The following CPAMD8 variants were observed in gnomAD, a reference collection of about 807,000 sequenced individuals.
The protein encoded by CPAMD8 is C3 and PZP-like alpha-2-macroglobulin domain-containing protein 8.
In CPAMD8, 146 loss-of-function variants were observed where a neutral mutation model predicts 224.7. The observed-to-expected ratio is 0.65, with a 90% CI of 0.57 to 0.75. The LOEUF is 0.75. CPAMD8 is among the 30% of genes least tolerant of loss of function. The pLI is 0.00. For missense variants in CPAMD8, 2,301 were observed against 2,537.5 expected (o/e 0.91, Z 2.00); for synonymous variants, 966 against 1,044.6 (o/e 0.92, Z 1.45).
rs527573018 is a variant in CPAMD8 at position 16,938,306 on chromosome 19, C to G, written c.2845+89G>C. The G allele has an allele frequency of 5.5e-5, 35 of 641,052 alleles. No homozygotes were observed. The African/African-American group carries it at 6.2e-4, about 11-fold the overall frequency. The allele number at this position is 641,052 out of a possible 1,614,324, so 39.7% of individuals were successfully genotyped here. On this transcript the variant is annotated intron_variant, in intron 23 of 41. Transcript: ENST00000443236. Reference sequence around the variant, plus strand: ...GGCAGGTGCTCACTTTGCAGCGGGACAGCCCCCACAGTGTGGGAAAGGGGG... The same window carrying G: ...GGCAGGTGCTCACTTTGCAGCGGGAGAGCCCCCACAGTGTGGGAAAGGGGG...
intron 11 of CPAMD8, among the ~76,000 whole-genome samples, chr19:16,995,219 C>T (rs1243506450): frequency 4.6e-5 from 7 of 152,142 alleles, no homozygotes; most frequent in Admixed American, 4.6e-4. Context: ...AGGGTCAGAA[C>T]TCAGTGTTAG....
chr19:16,900,389 G>A (rs757896467), intron 36 of CPAMD8, among the ~76,000 whole-genome samples: 11 of 152,116 alleles, frequency 7.2e-5, no homozygotes, highest in Non-Finnish European at 1.5e-4. Context: ...CCCGAGGTCA[G>A]GAGTTTGAGA....
At chr19:16,996,798 G>A (rs1461921864) in intron 11 of CPAMD8, among the ~76,000 whole-genome samples, 8 of 144,706 alleles carry the variant, frequency 5.5e-5, no homozygotes, top group South Asian at 2.2e-4. Flanking sequence ...CAGCCTGGGC[G>A]ATGGAGTGTG....
At chr19:16,927,875 C>G in intron 25 of CPAMD8, 134 bp downstream of exon 25, 1 of 677,090 alleles carries the variant, frequency 1.5e-6, no homozygotes, top group African/African-American at 1.8e-5. Context: ...AGCTGCTTGT[C>G]AGGTGAGTGG....
chr19:17,021,439 G>T (rs1056329600), intron 2 of CPAMD8, among the ~76,000 whole-genome samples: 1 of 152,158 alleles, frequency 6.6e-6, no homozygotes, highest in African/African-American at 2.4e-5. Flanking sequence ...GGAGCCCCTG[G>T]CCTTCTCTGT....
chr19:16,940,292 C>A (rs988332533), intron 22 of CPAMD8, among the ~76,000 whole-genome samples: 2 of 152,186 alleles, frequency 1.3e-5, no homozygotes. Context: ...TTATGATAAA[C>A]CTATCCTACA....
At chr19:16,964,439 G>A (rs1160709784) in intron 18 of CPAMD8, among the ~76,000 whole-genome samples, 1 of 152,174 alleles carries the variant, frequency 6.6e-6, no homozygotes, top group Non-Finnish European at 1.5e-5. Flanking sequence ...AGAAAATCTA[G>A]AAGAAATGGA....
chr19:16,979,766 A>C (rs1350917751), intron 14 of CPAMD8, among the ~76,000 whole-genome samples: 1 of 151,732 alleles, frequency 6.6e-6, no homozygotes, highest in East Asian at 1.9e-4. Context: ...ATCTTGCCCA[A>C]ATGTTGATAG....
intron 28 of CPAMD8, 76 bp downstream of exon 28, chr19:16,914,581 T>C (rs1459017392): frequency 1.2e-6 from 2 of 1,609,840 alleles, no homozygotes; most frequent in South Asian, 1.1e-5. Flanking sequence ...CTCCAGGGAG[T>C]AGGAACAGGC....
intron 18 of CPAMD8, among the ~76,000 whole-genome samples, chr19:16,969,659 C>T (rs2054978958): frequency 6.6e-6 from 1 of 152,002 alleles, no homozygotes; most frequent in Admixed American, 6.6e-5. Flanking sequence ...GCAGGCAAAT[C>T]ACTTGAGGCC....
intron 27 of CPAMD8, among the ~76,000 whole-genome samples, chr19:16,915,918 C>T (rs1418588352): frequency 1.3e-5 from 2 of 149,684 alleles, no homozygotes; most frequent in Admixed American, 6.7e-5. Flanking sequence ...CTTTCTCTCT[C>T]TCCTTCCTTT....
intron 35 of CPAMD8, among the ~76,000 whole-genome samples, chr19:16,901,647 G>C (rs969909263): frequency 2.6e-5 from 4 of 152,172 alleles, no homozygotes; most frequent in African/African-American, 9.6e-5. Context: ...CACAGCTCAG[G>C]TGCTTCAACA....
intron 18 of CPAMD8, among the ~76,000 whole-genome samples, chr19:16,967,895 G>GCATATATACACACACA (rs2054902909): frequency 4.2e-4 from 7 of 16,660 alleles, no homozygotes; most frequent in Non-Finnish European, 6.8e-4. Flanking sequence ...ACACACATGT[G>GCATATATACACACACA]TGTGTATATA....
rs1280005517 is a variant in CPAMD8, at chr19:17,026,553, G to T, written c.90C>A (p.Ala30=). The change falls in exon 1 of 42, where the codon GCC becomes GCA. Residue 30 remains alanine, a splice_region_variant and synonymous_variant. Coordinates refer to ENST00000443236, the MANE Select transcript of CPAMD8 (RefSeq NM_015692.5). ...CTCTGTCGCCGGAGGATACTCACGG[G>T]GCCTGAGGCTGCGCGGCGCGCACGC... ...RDGVRAAQPQ[A]PGYLIAAPSV... The T allele has an allele frequency of 2.6e-6, 4 of 1,518,338 alleles. No homozygotes were observed. Among genetic ancestry groups the T allele is most frequent in the Admixed American group, 2.1e-5 (1 of 48,040 alleles). 94.1% of individuals were successfully genotyped at this position (1,518,338 alleles called of 1,614,324 possible). A position where few individuals can be genotyped will look rare whatever the true frequency, so the allele number is the denominator to read the frequency against.
chr19:16,994,013 G>A (rs1277514072), intron 11 of CPAMD8, among the ~76,000 whole-genome samples: 1 of 152,184 alleles, frequency 6.6e-6, no homozygotes, highest in Non-Finnish European at 1.5e-5. Flanking sequence ...TGAGGTGGGA[G>A]GATCACTTGA....
intron 18 of CPAMD8, among the ~76,000 whole-genome samples, chr19:16,966,603 C>T (rs573172225): frequency 5.3e-5 from 8 of 152,020 alleles, no homozygotes; most frequent in Admixed American, 2.6e-4. Context: ...TCGGACAAAG[C>T]GCTAATATCC....
intron 22 of CPAMD8, among the ~76,000 whole-genome samples, chr19:16,944,577 G>T (rs564787213): frequency 5.5e-4 from 83 of 152,252 alleles, no homozygotes; most frequent in African/African-American, 1.8e-3. Context: ...GGATGCCCTG[G>T]CTGGGCAAAG....
At chr19:16,980,389 C>T in intron 14 of CPAMD8, 108 bp downstream of exon 14, 1 of 1,009,536 alleles carries the variant, frequency 9.9e-7, no homozygotes, top group Non-Finnish European at 1.5e-6. Flanking sequence ...CCAAGGCATG[C>T]TCCCCTCTCT....
At chr19:16,989,884 C>A in intron 12 of CPAMD8, 113 bp from the exon 13 acceptor site, 1 of 992,404 alleles carries the variant, frequency 1.0e-6, no homozygotes, top group Non-Finnish European at 1.5e-6. Flanking sequence ...GCTCCAATAT[C>A]CCTTTGGGGA....
Sources: gnomAD v4.1 joint callset for allele counts (sites outside exome capture counted in the v4.1 genomes callset) on GRCh38, gnomAD v4.1.1 for gene constraint, MANE v1.5 for transcripts, NCBI Gene and HGNC (gene_info 2026-07-23, HGNC 2026-07-21) for gene names.